The following EFCAB6 variants were observed in gnomAD, a reference collection of about 807,000 sequenced individuals.
EFCAB6 encodes the protein EF-hand calcium-binding domain-containing protein 6.
EFCAB6 carries 156 observed loss-of-function variants against 169.8 expected under a neutral mutation model. The observed-to-expected ratio is 0.92, with a 90% CI of 0.81 to 1.05. The LOEUF is 1.05. Ranked by LOEUF, EFCAB6 falls within the 50% of genes least tolerant of loss-of-function variation. The probability of loss-of-function intolerance (pLI) is 0.00; values close to 1 mark genes in which losing one functional copy is unlikely to be tolerated. For synonymous variants in EFCAB6, 698 were observed against 676.4 expected (o/e 1.03, Z -0.50); for missense variants, 1,800 against 1,829.1 (o/e 0.98, Z 0.29).
At chr22:43,599,850 G>T (rs909445563) in intron 23 of EFCAB6, among the ~76,000 whole-genome samples, 1 of 152,162 alleles carries the variant, frequency 6.6e-6, no homozygotes, top group Non-Finnish European at 1.5e-5. Context: ...TATGATGAAT[G>T]ATATAAGATT....
In EFCAB6 at chr22:43,672,078, A is replaced by G; in HGVS notation, c.1535T>C (p.Met512Thr). ...ITRNLQAFYN[M>T]LRSYDLGDTG... is the part of the protein sequence containing the mutation. ...GTCTCCAAGGTCATATGAGCGTAGC[A>G]TGTTATAAAAAGCTTGTAGGTTCCT... Residue 512 changes from methionine (M) to threonine (T), a missense_variant, in exon 15 of 32, where the codon ATG becomes ACG. Physicochemically the swap from Met to Thr is moderately conservative, Grantham distance 81. Coordinates refer to ENST00000262726, the MANE Select transcript of EFCAB6 (RefSeq NM_022785.4). 2 of 1,614,058 alleles carry G rather than the reference A, an allele frequency of 1.2e-6. No individual in the cohort carries two copies. Among genetic ancestry groups the G allele is most frequent in the Non-Finnish European group, 1.7e-6 (2 of 1,180,008 alleles).
intron 10 of EFCAB6, among the ~76,000 whole-genome samples, chr22:43,698,677 T>C (rs749936266): frequency 2.0e-5 from 3 of 152,190 alleles, no homozygotes; most frequent in South Asian, 2.1e-4. Context: ...GGATGCATTA[T>C]ATGCCTTAAC....
intron 18 of EFCAB6, among the ~76,000 whole-genome samples, chr22:43,634,098 G>A (rs554948145): frequency 3.3e-5 from 5 of 152,120 alleles, no homozygotes; most frequent in Admixed American, 3.3e-4. Flanking sequence ...CAGCTGTGAC[G>A]GCCTCGCCAG....
intron 30 of EFCAB6, among the ~76,000 whole-genome samples, chr22:43,533,107 A>G (rs2047178609): frequency 6.6e-6 from 1 of 152,242 alleles, no homozygotes; most frequent in South Asian, 2.1e-4. Context: ...AAAGGTAAAA[A>G]TCTGGAAGAA....
chr22:43,597,333 A>G (rs2052092083), intron 23 of EFCAB6, among the ~76,000 whole-genome samples: 1 of 152,220 alleles, frequency 6.6e-6, no homozygotes. Context: ...GAAGATATTT[A>G]CAAACTCCCC....
chr22:43,695,249 C>G (rs2058533053), intron 10 of EFCAB6, among the ~76,000 whole-genome samples: 1 of 151,900 alleles, frequency 6.6e-6, no homozygotes, highest in Non-Finnish European at 1.5e-5. Flanking sequence ...ATTCCATGTA[C>G]AGTTTCATCA....
chr22:43,724,786 C>G (rs546260508), intron 8 of EFCAB6, among the ~76,000 whole-genome samples: 2 of 152,180 alleles, frequency 1.3e-5, no homozygotes, highest in Non-Finnish European at 2.9e-5. Context: ...ACCCATAATG[C>G]TTTGCTCATG....
chr22:43,776,209 A>G (rs911797171), intron 3 of EFCAB6, among the ~76,000 whole-genome samples: 1 of 152,180 alleles, frequency 6.6e-6, no homozygotes, highest in African/African-American at 2.4e-5. Context: ...ACCTGCATGG[A>G]GGCCACAGGG....
chr22:43,687,479 T>G lies in EFCAB6; in HGVS notation c.1134A>C (p.Lys378Asn), dbSNP rs1235751072. ...TTTTTTTTTTTACATACCTATTTCTTTTTGTCAGGGGACCTTTACTGCTAA... is the reference window on the plus strand; with the variant it reads ...TTTTTTTTTTTACATACCTATTTCTGTTTGTCAGGGGACCTTTACTGCTAA... ...LQVSSKGPLT[K>N]RNSINSRNES... Residue 378 changes from lysine to asparagine, a missense_variant, in exon 11 of 32, where the codon AAA (lysine) becomes AAC (asparagine). Physicochemically the swap from Lys to Asn is moderately conservative, Grantham distance 94. Transcript: ENST00000262726. 1 of 1,542,512 alleles carries G rather than the reference T, an allele frequency of 6.5e-7. No homozygotes were observed. Among genetic ancestry groups the G allele is most frequent in the Non-Finnish European group, 8.7e-7 (1 of 1,145,994 alleles).
chr22:43,712,818 G>A (rs7289281), intron 9 of EFCAB6, among the ~76,000 whole-genome samples: 5,255 of 152,096 alleles, frequency 0.035, 342 homozygotes, highest in African/African-American at 0.12. Flanking sequence ...GTGTTTCTGC[G>A]ATGATCAAGA....
At chr22:43,712,489 C>T (rs1322252680) in intron 9 of EFCAB6, among the ~76,000 whole-genome samples, 3 of 152,124 alleles carry the variant, frequency 2.0e-5, no homozygotes, top group Non-Finnish European at 4.4e-5. Context: ...ACTAAATTTT[C>T]CTTAGTGTGC....
intron 6 of EFCAB6, among the ~76,000 whole-genome samples, chr22:43,743,172 G>A (rs2060435772): frequency 6.6e-6 from 1 of 152,262 alleles, no homozygotes. Flanking sequence ...GTGAACTGAT[G>A]AAGGGCAGAA....
chr22:43,635,337 C>T, intron 17 of EFCAB6, 121 bp from the exon 18 acceptor site: 2 of 737,420 alleles, frequency 2.7e-6, no homozygotes, highest in South Asian at 3.2e-5. Context: ...TTTGTCTGAC[C>T]CCACCCACAG....
chr22:43,806,190 A>T (rs892037729), intron 2 of EFCAB6, among the ~76,000 whole-genome samples: 1 of 9,098 alleles, frequency 1.1e-4, no homozygotes, highest in South Asian at 4.7e-3. Flanking sequence ...GAGGAGGGGG[A>T]GGGGAGGGGA....
intron 17 of EFCAB6, among the ~76,000 whole-genome samples, chr22:43,661,802 C>T (rs771666186): frequency 3.3e-5 from 5 of 152,154 alleles, no homozygotes; most frequent in Non-Finnish European, 7.3e-5. Context: ...AAGACAAAGT[C>T]TTATTGATAG....
At chr22:43,735,100 C>T (rs531226949) in intron 7 of EFCAB6, among the ~76,000 whole-genome samples, 27 of 152,236 alleles carry the variant, frequency 1.8e-4, no homozygotes, top group African/African-American at 6.3e-4. Flanking sequence ...AAGCTAGACA[C>T]GGGCCCATCT....
chr22:43,589,280 CAAAAAAAAAAAAAAAAAAAAAAAAAAAAA>C (rs1163346832), intron 24 of EFCAB6, among the ~76,000 whole-genome samples: 3 of 80,934 alleles, frequency 3.7e-5, no homozygotes, highest in African/African-American at 2.2e-4. Context: ...GACTTCATGT[CAAAAAAAAAAAAAAAAAAAAAAAAAAAAA>C]AAAAAAAAAA....
chr22:43,798,471 G>A lies in EFCAB6; in HGVS notation c.-8+10524C>T, dbSNP rs78661576. Among the ~76,000 whole-genome samples the A allele has an allele frequency of 7.2e-3, 1,100 of 152,240 alleles. 14 individuals carry two copies. The highest frequency in any genetic ancestry group is 0.025 in the African/African-American group (1,045 of 41,532). On this transcript the variant is annotated intron_variant, in intron 2 of 31. Coordinates refer to ENST00000262726, the MANE Select transcript of EFCAB6 (RefSeq NM_022785.4). ...TCAGTTCAAATGCCACTTCTTCAGG[G>A]AGCCTTCCTTGACACCTCATGCTAG...
chr22:43,530,873 G>A lies in EFCAB6; in HGVS notation c.4325C>T (p.Thr1442Met). 1 of 1,614,214 alleles carries A rather than the reference G, an allele frequency of 6.2e-7. No individual in the cohort carries two copies. The highest frequency in any genetic ancestry group is 1.1e-5 in the South Asian group (1 of 91,084). Reference protein sequence around the residue: ...IVHCWRPMRRTFKSYDEAGTG... With the variant: ...IVHCWRPMRRMFKSYDEAGTG... ...TCCAGCCTCATCATAGCTTTTGAACGTGCGCCGCATTGGCCTCCAGCAGTG... is the reference window on the plus strand; with the variant it reads ...TCCAGCCTCATCATAGCTTTTGAACATGCGCCGCATTGGCCTCCAGCAGTG... The change falls in exon 31 of 32, where the codon ACG becomes ATG. Residue 1442 changes from threonine (T) to methionine (M), a missense_variant. Thr to Met is a moderately conservative substitution (Grantham distance 81). Transcript: ENST00000262726.
Sources: gnomAD v4.1 joint callset for allele counts (sites outside exome capture counted in the v4.1 genomes callset) on GRCh38, gnomAD v4.1.1 for gene constraint, MANE v1.5 for transcripts, NCBI Gene and HGNC (gene_info 2026-07-23, HGNC 2026-07-21) for gene names.